HNF4G: variants seen among roughly 807,000 people sequenced by gnomAD.
HNF4G encodes hepatocyte nuclear factor 4 gamma.
A neutral mutation model predicts 50.9 loss-of-function variants in HNF4G; 21 were observed. The ratio of observed to expected loss-of-function variants is 0.41; its 90% CI spans 0.29 to 0.59. The LOEUF is 0.59. Ranked by LOEUF, HNF4G falls within the 20% of genes least tolerant of loss-of-function variation. The pLI is 0.26. For missense variants in HNF4G, 527 were observed against 559.4 expected, an observed-to-expected ratio of 0.94 and a Z score of 0.58; for synonymous variants, 198 against 185.6, an observed-to-expected ratio of 1.07 and a Z score of -0.54.
At chr8:75,528,139 T>C (rs1371807203) in intron 2 of HNF4G, among the ~76,000 whole-genome samples, 1 of 152,186 alleles carries the variant, frequency 6.6e-6, no homozygotes, top group African/African-American at 2.4e-5. Context: ...AAAGTGATAA[T>C]ATATGAGTGG....
rs187077219 is a variant in HNF4G, at chr8:75,527,551, T to A, written c.-23-16260T>A. On this transcript the variant is annotated intron_variant, in intron 2 of 10. Coordinates refer to the HNF4G transcript ENST00000354370. The stretch of plus-strand genomic sequence containing the variant: ...TATATACACAGACATACACACATCC[T>A]TTTTGTGTTTAAGAAGTTAAAGTAG... Among the ~76,000 whole-genome samples the A allele has an allele frequency of 2.0e-5, 3 of 152,218 alleles. No homozygotes were observed. The South Asian group carries it at 6.2e-4, about 32-fold the overall frequency.
At chr8:75,438,551 T>C (rs1811195836) in intron 1 of HNF4G, among the ~76,000 whole-genome samples, 1 of 152,056 alleles carries the variant, frequency 6.6e-6, no homozygotes, top group South Asian at 2.1e-4. Flanking sequence ...TTTCTCTCTC[T>C]TCATCCCTCC....
chr8:75,501,850 T>C (rs1232457452), intron 2 of HNF4G, among the ~76,000 whole-genome samples: 1 of 115,886 alleles, frequency 8.6e-6, no homozygotes, highest in Non-Finnish European at 1.7e-5. Flanking sequence ...TGAGAATACC[T>C]AAAGTATTTT....
chr8:75,474,910 A>G (rs1161546576), intron 1 of HNF4G, among the ~76,000 whole-genome samples: 1 of 151,934 alleles, frequency 6.6e-6, no homozygotes, highest in African/African-American at 2.4e-5. Context: ...GTTGGCCAGG[A>G]TGGTCTTGAT....
chr8:75,452,627 G>A (rs1300199624), intron 1 of HNF4G, among the ~76,000 whole-genome samples: 1 of 147,552 alleles, frequency 6.8e-6, no homozygotes, highest in Non-Finnish European at 1.5e-5. Context: ...GCTGAGGCAG[G>A]GAAATGGCGT....
At chr8:75,435,894 A>G (rs1346681222) in intron 1 of HNF4G, among the ~76,000 whole-genome samples, 1 of 152,186 alleles carries the variant, frequency 6.6e-6, no homozygotes, top group Non-Finnish European at 1.5e-5. Context: ...ACACCCAGCC[A>G]AAAAACAAAT....
chr8:75,487,251 AT>A (rs967177895), intron 1 of HNF4G, among the ~76,000 whole-genome samples: 176 of 133,406 alleles, frequency 1.3e-3, no homozygotes, highest in Middle Eastern at 5.1e-3. Flanking sequence ...CGATTCTTAT[AT>A]TTTTTTATTT....
chr8:75,486,924 C>A (rs1007080926), intron 1 of HNF4G, among the ~76,000 whole-genome samples: 1 of 152,134 alleles, frequency 6.6e-6, no homozygotes, highest in African/African-American at 2.4e-5. Flanking sequence ...ATCACTTGAG[C>A]CTGGGAGATC....
intron 1 of HNF4G, among the ~76,000 whole-genome samples, chr8:75,434,468 T>A (rs1811090241): frequency 6.6e-6 from 1 of 151,158 alleles, no homozygotes; most frequent in Non-Finnish European, 1.5e-5. Flanking sequence ...GAAATAACAG[T>A]GCAAATAGAT....
intron 1 of HNF4G, among the ~76,000 whole-genome samples, chr8:75,542,265 A>G (rs1173834640): frequency 6.6e-6 from 1 of 152,058 alleles, no homozygotes. Context: ...GGACTGCACC[A>G]CTGCAGTCCA....
Position 75,553,163 on chromosome 8 carries a change from T to G in HNF4G, c.611T>G (p.Ile204Ser). 1 of 1,613,114 alleles carries G rather than the reference T, an allele frequency of 6.2e-7. No homozygotes were observed. Among genetic ancestry groups the G allele is most frequent in the Middle Eastern group, 1.7e-4 (1 of 6,046 alleles). The change falls in exon 5 of 10, where the codon ATT becomes AGT. Residue 204 changes from isoleucine (I) to serine (S), a missense_variant. Coordinates refer to ENST00000396423, the MANE Select transcript of HNF4G (RefSeq NM_004133.5). ...GTCTTGGTGGAATGGGCTAAATATA[T>G]TCCTGCCTTCTGTGAATTACCATTG... ...LLVLVEWAKY[I>S]PAFCELPLDD...
chr8:75,451,523 G>C (rs2130580130), intron 1 of HNF4G, among the ~76,000 whole-genome samples: 1 of 152,182 alleles, frequency 6.6e-6, no homozygotes, highest in African/African-American at 2.4e-5. Context: ...TTTGTAAATG[G>C]TATGAGATGA....
intron 1 of HNF4G, among the ~76,000 whole-genome samples, chr8:75,478,797 C>T (rs751437382): frequency 6.6e-6 from 1 of 152,130 alleles, no homozygotes; most frequent in Non-Finnish European, 1.5e-5. Context: ...GATCTTTGCT[C>T]ACCACGACTT....
intron 1 of HNF4G, among the ~76,000 whole-genome samples, chr8:75,441,096 C>T (rs1811270057): frequency 6.6e-6 from 1 of 152,086 alleles, no homozygotes; most frequent in South Asian, 2.1e-4. Flanking sequence ...AGTTCCCAAT[C>T]TAATTTTAAA....
rs1262890325 is a variant in HNF4G at position 75,564,310 on chromosome 8, A to G, written c.*214A>G. 1.0e-5 allele frequency: 5 copies of G among 493,422 alleles called. No individual in the cohort carries two copies. Among genetic ancestry groups the G allele is most frequent in the African/African-American group, 2.0e-5 (1 of 51,164 alleles). The allele number at this position is 493,422 out of a possible 1,614,324, so 30.6% of individuals were successfully genotyped here. ...GCAACCAATGTATATCTGAGTTTGA[A>G]GATGTTTATATAGGGTATTTTTTCC... On this transcript the variant is annotated 3_prime_UTR_variant, in exon 10 of 10. Transcript: ENST00000396423.
At chr8:75,436,882 T>C (rs1314099205) in intron 1 of HNF4G, among the ~76,000 whole-genome samples, 2 of 151,904 alleles carry the variant, frequency 1.3e-5, no homozygotes, top group Admixed American at 6.6e-5. Context: ...TGACTCTACA[T>C]AGAATAAAAA....
intron 2 of HNF4G, among the ~76,000 whole-genome samples, chr8:75,507,688 A>G (rs1805632781): frequency 6.6e-6 from 1 of 152,216 alleles, no homozygotes; most frequent in Admixed American, 6.5e-5. Context: ...CAAATACTGC[A>G]TTTTATAAAA....
intron 2 of HNF4G, among the ~76,000 whole-genome samples, chr8:75,531,293 C>T (rs1311253966): frequency 6.6e-6 from 1 of 151,948 alleles, no homozygotes; most frequent in Admixed American, 6.6e-5. Context: ...CATCAAGTTC[C>T]ATGAAGGATT....
At chr8:75,485,714 A>C (rs907040773) in intron 1 of HNF4G, 1 of 152,172 alleles carries the variant, frequency 6.6e-6, no homozygotes, top group Non-Finnish European at 1.5e-5. Context: ...AAACTCACCA[A>C]AGTAAAACAT....
Sources: gnomAD v4.1 joint callset for allele counts (sites outside exome capture counted in the v4.1 genomes callset) on GRCh38, gnomAD v4.1.1 for gene constraint, MANE v1.5 for transcripts, NCBI Gene and HGNC (gene_info 2026-07-23, HGNC 2026-07-21) for gene names.